HPSE2: variants seen among roughly 807,000 people sequenced by gnomAD.
HPSE2 encodes heparanase 2 (inactive).
HPSE2 carries 38 observed loss-of-function variants against 60.5 expected under a neutral mutation model. The ratio of observed to expected loss-of-function variants is 0.63; its 90% CI spans 0.48 to 0.82. The LOEUF is 0.82. Ranked by LOEUF, HPSE2 falls within the 40% of genes least tolerant of loss-of-function variation. The pLI is 0.00. For missense variants in HPSE2, 713 were observed against 740.4 expected (o/e 0.96, Z 0.43); for synonymous variants, 295 against 293.2 (o/e 1.01, Z -0.06).
intron 9 of HPSE2, among the ~76,000 whole-genome samples, chr10:98,514,799 A>G (rs1942542766): frequency 7.0e-6 from 1 of 143,268 alleles, no homozygotes; most frequent in South Asian, 2.2e-4. Context: ...GCTCATTGCA[A>G]CCTCCACCTA....
chr10:98,546,904 A>G (rs1943697909), intron 9 of HPSE2, among the ~76,000 whole-genome samples: 3 of 148,976 alleles, frequency 2.0e-5, no homozygotes, highest in Admixed American at 6.7e-5. Context: ...CAACCTACTC[A>G]TCTGACAAAG....
At chr10:98,879,852 C>CGCGTGT (rs1554835527) in intron 3 of HPSE2, among the ~76,000 whole-genome samples, 1 of 145,676 alleles carries the variant, frequency 6.9e-6, no homozygotes, top group South Asian at 2.2e-4. Flanking sequence ...TGTGCATGTG[C>CGCGTGT]GTGTGTGTGT....
intron 3 of HPSE2, among the ~76,000 whole-genome samples, chr10:98,776,736 T>C (rs1390297727): frequency 1.3e-5 from 2 of 151,342 alleles, no homozygotes; most frequent in Non-Finnish European, 3.0e-5. Context: ...GGTGGGGTAG[T>C]GGGTGGGAAT....
At chr10:98,852,328 C>T (rs778028908) in intron 3 of HPSE2, among the ~76,000 whole-genome samples, 23 of 152,114 alleles carry the variant, frequency 1.5e-4, no homozygotes, top group Non-Finnish European at 2.6e-4. Context: ...CAGAAATCTT[C>T]CCCAAGCTTT....
At chr10:98,819,223 C>A (rs112005882) in intron 3 of HPSE2, among the ~76,000 whole-genome samples, 55 of 65,270 alleles carry the variant, frequency 8.4e-4, no homozygotes, top group African/African-American at 2.1e-3. Flanking sequence ...TTGGGTGCAA[C>A]CCCTGTCATG....
chr10:99,095,544 A>G (rs1261752461), intron 3 of HPSE2, among the ~76,000 whole-genome samples: 1 of 152,146 alleles, frequency 6.6e-6, no homozygotes, highest in Admixed American at 6.5e-5. Flanking sequence ...ATTAGCAGGC[A>G]CTCCCCATGT....
chr10:98,934,988 T>C (rs1431496386), intron 3 of HPSE2, among the ~76,000 whole-genome samples: 1 of 142,546 alleles, frequency 7.0e-6, no homozygotes, highest in African/African-American at 2.9e-5. Flanking sequence ...TTCCTTTTCA[T>C]TGTTTATTCT....
chr10:98,603,711 AG>A (rs1281810840), intron 9 of HPSE2, among the ~76,000 whole-genome samples: 1 of 152,088 alleles, frequency 6.6e-6, no homozygotes, highest in African/African-American at 2.4e-5. Context: ...TACAGGTGTG[AG>A]CCACCGTGCC....
chr10:98,492,358 A>C (rs572341804), intron 9 of HPSE2, among the ~76,000 whole-genome samples: 1 of 151,902 alleles, frequency 6.6e-6, no homozygotes, highest in Non-Finnish European at 1.5e-5. Flanking sequence ...AAAAATTAGC[A>C]GGGCGTGGTG....
At chr10:99,132,532 A>G (rs1369091571) in intron 3 of HPSE2, among the ~76,000 whole-genome samples, 1 of 152,050 alleles carries the variant, frequency 6.6e-6, no homozygotes, top group Admixed American at 6.5e-5. Flanking sequence ...TGCATTTCCA[A>G]CTGAGGTACC....
At chr10:98,601,616 C>T (rs1945428765) in intron 9 of HPSE2, among the ~76,000 whole-genome samples, 1 of 152,206 alleles carries the variant, frequency 6.6e-6, no homozygotes, top group Admixed American at 6.5e-5. Flanking sequence ...ACTAAGTTGT[C>T]AAAATGACCA....
intron 3 of HPSE2, among the ~76,000 whole-genome samples, chr10:99,019,904 G>A (rs552413636): frequency 9.9e-5 from 15 of 152,016 alleles, no homozygotes; most frequent in African/African-American, 3.6e-4. Context: ...TAGAGATGGG[G>A]TTTCACCATG....
chr10:99,102,432 G>A (rs1233475847), intron 3 of HPSE2, among the ~76,000 whole-genome samples: 1 of 152,052 alleles, frequency 6.6e-6, no homozygotes, highest in South Asian at 2.1e-4. Flanking sequence ...ACTAAACCAG[G>A]AAGAAGTTGA....
intron 3 of HPSE2, among the ~76,000 whole-genome samples, chr10:98,882,447 A>C (rs944859450): frequency 6.6e-6 from 1 of 152,052 alleles, no homozygotes; most frequent in Non-Finnish European, 1.5e-5. Context: ...ATATGGCTGA[A>C]ATAGGCTAGG....
intron 6 of HPSE2, among the ~76,000 whole-genome samples, chr10:98,693,275 G>T (rs1948126314): frequency 6.6e-6 from 1 of 152,180 alleles, no homozygotes. Flanking sequence ...TGGTACAAAT[G>T]CCCTAAGGGA....
At chr10:98,962,209 T>C (rs1240319962) in intron 3 of HPSE2, among the ~76,000 whole-genome samples, 1 of 83,778 alleles carries the variant, frequency 1.2e-5, no homozygotes, top group Admixed American at 1.4e-4. Context: ...TGGCTTAGGA[T>C]TGACTTGGCG....
the HPSE2 span, among the ~76,000 whole-genome samples, chr10:99,264,910 G>A: frequency 1.1e-4 from 17 of 151,776 alleles, no homozygotes; most frequent in East Asian, 1.9e-4. Flanking sequence ...AACATCGCCC[G>A]TTATCTCTCC....
chr10:98,915,109 T>G (rs1195608534), intron 3 of HPSE2, among the ~76,000 whole-genome samples: 1 of 151,886 alleles, frequency 6.6e-6, no homozygotes, highest in African/African-American at 2.4e-5. Flanking sequence ...CTCGATAAAC[T>G]TTGATGTAAT....
chr10:99,064,736 A>C (rs1842562180), intron 3 of HPSE2, among the ~76,000 whole-genome samples: 1 of 151,964 alleles, frequency 6.6e-6, no homozygotes, highest in Admixed American at 6.6e-5. Context: ...TCAACCAAAA[A>C]AAAAAAATTA....
Sources: allele counts gnomAD v4.1 joint callset (sites outside exome capture counted in the v4.1 genomes callset), GRCh38; gene constraint gnomAD v4.1.1; transcripts MANE v1.5; gene names NCBI Gene and HGNC (gene_info 2026-07-23, HGNC 2026-07-21).